The following GNAO1 variants were observed in gnomAD, a reference collection of about 807,000 sequenced individuals.
GNAO1 encodes guanine nucleotide-binding protein G(o) subunit alpha.
For missense variants in GNAO1, 166 were observed against 478.7 expected, an observed-to-expected ratio of 0.35 and a Z score of 6.10; for synonymous variants, 164 against 180.7, an observed-to-expected ratio of 0.91 and a Z score of 0.74.
At chr16:56,259,911 G>C (rs1442335574) in intron 2 of GNAO1, among the ~76,000 whole-genome samples, 1 of 152,178 alleles carries the variant, frequency 6.6e-6, no homozygotes, top group Non-Finnish European at 1.5e-5. Flanking sequence ...CTCTGAATGT[G>C]CCTGAAGTCA....
chr16:56,195,962 AT>A (rs2036228639), intron 2 of GNAO1, among the ~76,000 whole-genome samples: 1 of 152,154 alleles, frequency 6.6e-6, no homozygotes, highest in African/African-American at 2.4e-5. Context: ...AAGGGTTAAC[AT>A]CTTCATCAGC....
In GNAO1 at chr16:56,354,854, G is replaced by A. The variant is rs1409785367; in HGVS notation, c.878-12G>A. 2.5e-6 allele frequency: 4 copies of A among 1,597,846 alleles called. No homozygotes were observed. The East Asian group carries it at 8.9e-5, about 36-fold the overall frequency. The stretch of plus-strand genomic sequence containing the variant: ...TCAGGGCCTCTCCCCGTTCTTCTGT[G>A]TCTTGTTACAGGCCCCAATACCTAT... On this transcript the variant is annotated splice_polypyrimidine_tract_variant and intron_variant, in intron 7 of 8. Transcript: ENST00000262493. The surrounding 1 kb of genome is among the most constrained non-coding windows in gnomAD (Gnocchi z 4.3).
At chr16:56,290,838 G>A (rs548663883) in intron 3 of GNAO1, among the ~76,000 whole-genome samples, 9 of 152,118 alleles carry the variant, frequency 5.9e-5, no homozygotes, top group Non-Finnish European at 1.0e-4. Flanking sequence ...CCACTAATCT[G>A]CTCTCTGTCT....
intron 2 of GNAO1, among the ~76,000 whole-genome samples, chr16:56,239,138 T>C (rs1373050944): frequency 6.6e-6 from 1 of 152,222 alleles, no homozygotes; most frequent in Admixed American, 6.5e-5. Context: ...TGAGCACTGA[T>C]GTAAGTTTTG....
Position 56,289,042 on chromosome 16 carries a change from G to A in GNAO1, c.303+12970G>A, listed in dbSNP as rs925087244. ...CCTTTGTATCCAAAAAAGGGGGGGG[G>A]AGCGGAAAAAAGAGAAAAAAACACA... On this transcript the variant is annotated intron_variant, in intron 3 of 8. Coordinates refer to ENST00000262493, the MANE Select transcript of GNAO1 (RefSeq NM_020988.3). Among the ~76,000 whole-genome samples the A allele has an allele frequency of 2.0e-5, 3 of 151,720 alleles. No individual in the cohort carries two copies. In the East Asian group the frequency reaches 5.8e-4, roughly 29 times the overall value.
chr16:56,237,991 C>T (rs2036655830), intron 2 of GNAO1, among the ~76,000 whole-genome samples: 1 of 152,162 alleles, frequency 6.6e-6, no homozygotes, highest in Non-Finnish European at 1.5e-5. Flanking sequence ...AAACTTTGGG[C>T]CAGCAGCATT....
chr16:56,350,760 C>T (rs2037912423), intron 6 of GNAO1, among the ~76,000 whole-genome samples: 1 of 152,094 alleles, frequency 6.6e-6, no homozygotes, highest in South Asian at 2.1e-4. Context: ...TCCCCTGAGA[C>T]CATAGGAAGG....
At chr16:56,239,238 G>T (rs999039957) in intron 2 of GNAO1, among the ~76,000 whole-genome samples, 13 of 152,324 alleles carry the variant, frequency 8.5e-5, no homozygotes, top group African/African-American at 3.1e-4. Context: ...TCATTGCCAA[G>T]GTAGAGCCTA....
chr16:56,198,360 A>T (rs944844325), intron 2 of GNAO1, among the ~76,000 whole-genome samples: 1 of 152,218 alleles, frequency 6.6e-6, no homozygotes, highest in Non-Finnish European at 1.5e-5. Context: ...AAGCTGTCCA[A>T]CAGATCTGTG....
chr16:56,194,329 GC>G, intron 2 of GNAO1: 1 of 452,240 alleles, frequency 2.2e-6, no homozygotes, highest in South Asian at 1.6e-5. Flanking sequence ...TCTGTCTGGA[GC>G]CCTTGCAGAT....
At chr16:56,334,660 G>A in intron 4 of GNAO1, 69 bp from the exon 5 acceptor site, 1 of 1,543,138 alleles carries the variant, frequency 6.5e-7, no homozygotes, top group Non-Finnish European at 8.9e-7. Context: ...CTGAAGATGG[G>A]TGGCCTGGCC....
chr16:56,233,049 C>A (rs2036605509), intron 2 of GNAO1, among the ~76,000 whole-genome samples: 1 of 152,194 alleles, frequency 6.6e-6, no homozygotes, highest in Non-Finnish European at 1.5e-5. Context: ...TATCATTGCA[C>A]TGAATGGATT....
At chr16:56,219,052 A>G (rs971533014) in intron 2 of GNAO1, among the ~76,000 whole-genome samples, 1 of 152,166 alleles carries the variant, frequency 6.6e-6, no homozygotes, top group Non-Finnish European at 1.5e-5. Flanking sequence ...CCCCCAACCC[A>G]GCTGCTCTTC....
At chr16:56,339,519 T>C (rs888494940) in intron 6 of GNAO1, among the ~76,000 whole-genome samples, 5 of 152,384 alleles carry the variant, frequency 3.3e-5, no homozygotes, top group Admixed American at 6.5e-5. Context: ...CCATCCTCTC[T>C]GGTCAGCGCT....
chr16:56,273,900 T>C (rs1435432633), intron 2 of GNAO1, among the ~76,000 whole-genome samples: 1 of 152,180 alleles, frequency 6.6e-6, no homozygotes, highest in Non-Finnish European at 1.5e-5. Flanking sequence ...ACTGATAAGC[T>C]CCCTGATGCT....
chr16:56,300,697 C>T (rs1434861686), intron 3 of GNAO1: 2 of 152,072 alleles, frequency 1.3e-5, no homozygotes, highest in African/African-American at 4.8e-5. Context: ...TTTGGCCTAT[C>T]CCTGACCAAA....
rs535404510 is a variant in GNAO1, at chr16:56,275,826, C to T, written c.162-105C>T. The T allele has an allele frequency of 9.5e-5, 85 of 898,824 alleles. 1 individual carries two copies. The South Asian group carries it at 2.6e-3, about 28-fold the overall frequency. The allele number at this position is 898,824 out of a possible 1,614,324, so 55.7% of individuals were successfully genotyped here. A position where few individuals can be genotyped will look rare whatever the true frequency, so the allele number is the denominator to read the frequency against. On this transcript the variant is annotated intron_variant, in intron 2 of 8. Transcript: ENST00000262493. Reference sequence around the variant, plus strand: ...GTAGCAACTCAGTAACTCAGCATCTCGGCTGGACCTGGCCCACAGTCAGCC... The same window carrying T: ...GTAGCAACTCAGTAACTCAGCATCTTGGCTGGACCTGGCCCACAGTCAGCC...
intron 5 of GNAO1, among the ~76,000 whole-genome samples, chr16:56,336,044 G>A (rs2037737074): frequency 1.3e-5 from 2 of 152,194 alleles, no homozygotes; most frequent in Non-Finnish European, 2.9e-5. Context: ...CCTCGCTCTG[G>A]GGATTGGGGT....
chr16:56,204,805 G>T (rs1304680324), intron 2 of GNAO1, among the ~76,000 whole-genome samples: 1 of 152,146 alleles, frequency 6.6e-6, no homozygotes, highest in Non-Finnish European at 1.5e-5. Flanking sequence ...TCTCATCCCA[G>T]CTCTGTTCCT....
Sources: allele counts gnomAD v4.1 joint callset (sites outside exome capture counted in the v4.1 genomes callset), GRCh38; gene constraint gnomAD v4.1.1; non-coding constraint Gnocchi (gnomAD v3.1); transcripts MANE v1.5; gene names NCBI Gene and HGNC (gene_info 2026-07-23, HGNC 2026-07-21).